CACNA1E: variants seen among roughly 807,000 people sequenced by gnomAD.
The protein encoded by CACNA1E is calcium voltage-gated channel subunit alpha1 E.
Under a neutral mutation model 259.2 loss-of-function variants are expected in CACNA1E, and 40 were observed. The ratio of observed to expected loss-of-function variants is 0.15; its 90% CI spans 0.12 to 0.20. The LOEUF is 0.20. CACNA1E is among the 10% of genes least tolerant of loss of function. The probability of loss-of-function intolerance (pLI) is 1.00; values close to 1 mark genes in which losing one functional copy is unlikely to be tolerated. For synonymous variants in CACNA1E, 1,104 were observed against 1,138.5 expected, an observed-to-expected ratio of 0.97 and a Z score of 0.61; for missense variants, 1,874 against 3,040.1, an observed-to-expected ratio of 0.62 and a Z score of 9.02.
intron 6 of CACNA1E, among the ~76,000 whole-genome samples, chr1:181,627,626 C>T (rs1656321191): frequency 6.6e-6 from 1 of 152,168 alleles, no homozygotes; most frequent in Non-Finnish European, 1.5e-5. Context: ...AGAGGGAATT[C>T]ACTGGGCAGC....
intron 1 of CACNA1E, among the ~76,000 whole-genome samples, chr1:181,496,029 G>C (rs2102536560): frequency 6.6e-6 from 1 of 152,282 alleles, no homozygotes; most frequent in East Asian, 1.9e-4. Flanking sequence ...GTAAGAGCTG[G>C]AGGCCTGGAT....
chr1:181,496,116 G>T (rs1460994985), intron 1 of CACNA1E, among the ~76,000 whole-genome samples: 5 of 151,980 alleles, frequency 3.3e-5, no homozygotes, highest in African/African-American at 7.3e-5. Flanking sequence ...AAAGTTATTG[G>T]GTTTACACTT....
intron 1 of CACNA1E, among the ~76,000 whole-genome samples, chr1:181,366,237 T>A (rs1389689135): frequency 6.6e-6 from 1 of 152,176 alleles, no homozygotes; most frequent in Non-Finnish European, 1.5e-5. Flanking sequence ...ATGACCTCTG[T>A]GGTGTTGCAT....
chr1:181,702,232 G>A (rs1428768137), intron 7 of CACNA1E, among the ~76,000 whole-genome samples: 3 of 151,772 alleles, frequency 2.0e-5, no homozygotes, highest in Non-Finnish European at 4.4e-5. Flanking sequence ...TAAAACTTTG[G>A]GGTCATCTTG....
At chr1:181,519,609 A>C (rs1666845651) in intron 3 of CACNA1E, among the ~76,000 whole-genome samples, 1 of 152,174 alleles carries the variant, frequency 6.6e-6, no homozygotes, top group African/African-American at 2.4e-5. Context: ...GAGAAGACTA[A>C]AGTGCATGTT....
intron 6 of CACNA1E, among the ~76,000 whole-genome samples, chr1:181,650,734 A>T (rs1658679904): frequency 6.6e-6 from 1 of 152,216 alleles, no homozygotes; most frequent in Admixed American, 6.5e-5. Flanking sequence ...TGTTAACATT[A>T]GAGTGCAAGT....
At chr1:181,447,936 A>G (rs1227434697) in intron 2 of CACNA1E, among the ~76,000 whole-genome samples, 1 of 152,168 alleles carries the variant, frequency 6.6e-6, no homozygotes, top group Non-Finnish European at 1.5e-5. Context: ...GGTCTTTCTC[A>G]TGCTCTGTCT....
intron 3 of CACNA1E, among the ~76,000 whole-genome samples, chr1:181,531,009 C>T (rs1485792961): frequency 6.6e-6 from 1 of 152,194 alleles, no homozygotes; most frequent in Non-Finnish European, 1.5e-5. Context: ...CAAAGTACAT[C>T]TACATCTATA....
chr1:181,527,035 A>G (rs1181540832), intron 3 of CACNA1E, among the ~76,000 whole-genome samples: 1 of 152,222 alleles, frequency 6.6e-6, no homozygotes, highest in Non-Finnish European at 1.5e-5. Context: ...TGTATTTTCA[A>G]TCTGTTGCTA....
rs75898925 is a variant in CACNA1E at position 181,478,251 on chromosome 1, C to T, written c.435-5493C>T. 7.2e-5 allele frequency among the ~76,000 whole-genome samples: 11 copies of T among 152,318 alleles called. No homozygotes were observed. The East Asian group carries it at 1.4e-3, about 19-fold the overall frequency. ...GAATGGTTTTTAAAACACTTTAAAACCAACTTTGCTGACCTGTGGTTAGCT... is the reference window on the plus strand; with the variant it reads ...GAATGGTTTTTAAAACACTTTAAAATCAACTTTGCTGACCTGTGGTTAGCT... On this transcript the variant is annotated intron_variant, in intron 2 of 11. Transcript: ENST00000524607.
At chr1:181,715,442 C>A in intron 9 of CACNA1E, 51 bp downstream of exon 9, 5 of 976,542 alleles carry the variant, frequency 5.1e-6, no homozygotes, top group Non-Finnish European at 6.5e-6. Context: ...CCCTCTTAGG[C>A]GATGGCAATC....
intron 1 of CACNA1E, among the ~76,000 whole-genome samples, chr1:181,372,097 A>G (rs2804690): frequency 0.018 from 2,679 of 152,306 alleles, 84 homozygotes; most frequent in African/African-American, 0.06. Flanking sequence ...TTGGTTCCAT[A>G]TGAATTTTAG....
In CACNA1E at chr1:181,594,019, T is replaced by C. The variant is rs186292856; in HGVS notation, c.951+13243T>C. ...TCAACTTGAAACTGGATTTAAACAT[T>C]GAAAATGTTAGTGTCCTTTCCTGGC... On this transcript the variant is annotated intron_variant, in intron 6 of 47. Coordinates refer to ENST00000367573, the MANE Select transcript of CACNA1E (RefSeq NM_001205293.3). Among the ~76,000 whole-genome samples, 724 of 152,304 alleles carry C rather than the reference T, an allele frequency of 4.8e-3. 4 individuals carry two copies. The highest frequency in any genetic ancestry group is 8.2e-3 in the Non-Finnish European group (559 of 68,012).
chr1:181,663,020 A>G (rs908593200), intron 7 of CACNA1E, among the ~76,000 whole-genome samples: 1 of 152,138 alleles, frequency 6.6e-6, no homozygotes, highest in Non-Finnish European at 1.5e-5. Context: ...CTTTCACAAG[A>G]TCTTTCCAGG....
chr1:181,808,002 T>G lies in CACNA1E; in HGVS notation c.*9168T>G, dbSNP rs967085344. ...ATGGATTGATGATTTCTGTTCTTGTTTTCTTCTAACCTAGAACTCAGGTCC... is the reference window on the plus strand; with the variant it reads ...ATGGATTGATGATTTCTGTTCTTGTGTTCTTCTAACCTAGAACTCAGGTCC... On this transcript the variant is annotated 3_prime_UTR_variant, in exon 48 of 48. Coordinates refer to ENST00000367573, the MANE Select transcript of CACNA1E (RefSeq NM_001205293.3). 6.6e-6 allele frequency: 1 copy of G among 152,164 alleles called. No individual in the cohort carries two copies. Among genetic ancestry groups the G allele is most frequent in the Non-Finnish European group, 1.5e-5 (1 of 68,018 alleles). The allele number at this position is 152,164 out of a possible 1,614,324, so 9.4% of individuals were successfully genotyped here.
At chr1:181,585,879 C>T (rs1418120162) in intron 6 of CACNA1E, among the ~76,000 whole-genome samples, 1 of 152,128 alleles carries the variant, frequency 6.6e-6, no homozygotes, top group Non-Finnish European at 1.5e-5. Flanking sequence ...CCCTGAAGGC[C>T]ATTATACAGA....
Position 181,612,901 on chromosome 1 carries a change from A to G in CACNA1E, c.951+32125A>G, listed in dbSNP as rs951510731. On this transcript the variant is annotated intron_variant, in intron 6 of 47. Coordinates refer to ENST00000367573, the MANE Select transcript of CACNA1E (RefSeq NM_001205293.3). Reference sequence around the variant, plus strand: ...GTTTATTTTTCACATTTAGTTTCCAATCCACCTGGAATTGATTTTTATGTG... The same window carrying G: ...GTTTATTTTTCACATTTAGTTTCCAGTCCACCTGGAATTGATTTTTATGTG... Among the ~76,000 whole-genome samples, 7 of 152,158 alleles carry G rather than the reference A, an allele frequency of 4.6e-5. No homozygotes were observed. The East Asian group carries it at 1.2e-3, about 25-fold the overall frequency.
rs751082929 is a variant in CACNA1E, at chr1:181,641,703, GTTTTTTTTTTTTTTT to G, written c.952-9621_952-9607del. On this transcript the variant is annotated intron_variant, in intron 6 of 47. Coordinates refer to ENST00000367573, the MANE Select transcript of CACNA1E (RefSeq NM_001205293.3). ...GATCATGAGGCAACACTAATTTTTT[GTTTTTTTTTTTTTTT>G]TTTTTTTTTTTTTGAGACAGAGTCT... Among the ~76,000 whole-genome samples, 12 of 81,116 alleles carry G rather than the reference GTTTTTTTTTTTTTTT, an allele frequency of 1.5e-4. No individual in the cohort carries two copies. In the Admixed American group the frequency reaches 1.5e-3, roughly 10 times the overall value. The allele number at this position is 81,116 out of a possible 152,430, so 53.2% of individuals were successfully genotyped here. A position where few individuals can be genotyped will look rare whatever the true frequency, so the allele number is the denominator to read the frequency against.
intron 38 of CACNA1E, among the ~76,000 whole-genome samples, chr1:181,777,820 A>G (rs1660095118): frequency 6.6e-6 from 1 of 152,230 alleles, no homozygotes; most frequent in African/African-American, 2.4e-5. Flanking sequence ...TACCATGGAT[A>G]TCTATGGGAT....
Sources: allele counts gnomAD v4.1 joint callset (sites outside exome capture counted in the v4.1 genomes callset), GRCh38; gene constraint gnomAD v4.1.1; transcripts MANE v1.5; gene names NCBI Gene and HGNC (gene_info 2026-07-23, HGNC 2026-07-21).